The following MAP3K5 variants were observed in gnomAD, a reference collection of about 807,000 sequenced individuals.
The protein encoded by MAP3K5 is mitogen-activated protein kinase kinase kinase 5.
In MAP3K5, 56 loss-of-function variants were observed where a neutral mutation model predicts 158.7. That is an observed-to-expected ratio of 0.35 (90% CI 0.28 to 0.44). The LOEUF (loss-of-function observed/expected upper bound fraction) is 0.44. Ranked by LOEUF, MAP3K5 falls within the 20% of genes least tolerant of loss-of-function variation. MAP3K5 has a pLI of 1.00. For synonymous variants in MAP3K5, 579 were observed against 601.7 expected, an observed-to-expected ratio of 0.96 and a Z score of 0.55; for missense variants, 1,294 against 1,674.8, an observed-to-expected ratio of 0.77 and a Z score of 3.97.
Position 136,674,490 on chromosome 6 carries a change from T to C in MAP3K5, c.1254-5095A>G, listed in dbSNP as rs116875991. Among the ~76,000 whole-genome samples, 200 of 151,698 alleles carry C rather than the reference T, an allele frequency of 1.3e-3. No homozygotes were observed. In the East Asian group the frequency reaches 0.037, roughly 28 times the overall value. ...ACTAAAGTGCTAATGTAGGAGAAAA[T>C]GTAATACTAAGTTAATAAAAATAAA... On this transcript the variant is annotated intron_variant, in intron 7 of 29. Coordinates refer to ENST00000359015, the MANE Select transcript of MAP3K5 (RefSeq NM_005923.4).
At chr6:136,789,982 A>G (rs1440467281) in intron 1 of MAP3K5, among the ~76,000 whole-genome samples, 2 of 152,132 alleles carry the variant, frequency 1.3e-5, no homozygotes, top group East Asian at 1.9e-4. Context: ...GTGAGCCACC[A>G]CGCCTGGCCC....
chr6:136,702,629 TCATGAAATAACAACA>T (rs1780900750), intron 3 of MAP3K5, among the ~76,000 whole-genome samples: 1 of 152,236 alleles, frequency 6.6e-6, no homozygotes, highest in South Asian at 2.1e-4. Flanking sequence ...TGAGGCATGG[TCATGAAATAACAACA>T]CATGCTATAA....
At position 136,617,724 on chromosome 6, in the gene MAP3K5, A is replaced by G. The variant is rs959072212; in HGVS notation, c.2151-3438T>C. The stretch of plus-strand genomic sequence containing the variant: ...CAAGGTGGGCAGATCACTTGAGGTC[A>G]GGAGTTCAAGACCAGCCTGGCCACA... On this transcript the variant is annotated intron_variant, in intron 15 of 29. Coordinates refer to ENST00000359015, the MANE Select transcript of MAP3K5 (RefSeq NM_005923.4). Among the ~76,000 whole-genome samples the G allele has an allele frequency of 5.3e-5, 8 of 152,198 alleles. No individual in the cohort carries two copies. In the East Asian group the frequency reaches 1.3e-3, roughly 26 times the overall value.
chr6:136,776,609 T>C (rs554527872), intron 1 of MAP3K5, among the ~76,000 whole-genome samples: 2 of 152,328 alleles, frequency 1.3e-5, no homozygotes, highest in African/African-American at 4.8e-5. Flanking sequence ...CAGGTGAGGA[T>C]GTTATAAATT....
chr6:136,779,461 AG>A lies in MAP3K5; in HGVS notation c.448+12248del, dbSNP rs1428466000. ...CTGTCTCAAAAAAAAAAAAAAAAAA[AG>A]ATTAAATAAGGTCATACATATAGTG... On this transcript the variant is annotated intron_variant, in intron 1 of 29. Coordinates refer to ENST00000359015, the MANE Select transcript of MAP3K5 (RefSeq NM_005923.4). Among the ~76,000 whole-genome samples the A allele has an allele frequency of 1.1e-4, 17 of 150,502 alleles. No homozygotes were observed. The South Asian group carries it at 2.7e-3, about 24-fold the overall frequency.
chr6:136,584,151 G>T (rs186224875), intron 23 of MAP3K5, among the ~76,000 whole-genome samples: 37 of 152,262 alleles, frequency 2.4e-4, no homozygotes, highest in African/African-American at 7.7e-4. Flanking sequence ...AAAAGACTAA[G>T]GCCATAAGAT....
intron 1 of MAP3K5, among the ~76,000 whole-genome samples, chr6:136,725,442 C>T (rs1781927580): frequency 6.6e-6 from 1 of 152,138 alleles, no homozygotes; most frequent in Non-Finnish European, 1.5e-5. Flanking sequence ...ATTTGTATTT[C>T]CCTAATGACT....
intron 28 of MAP3K5, among the ~76,000 whole-genome samples, chr6:136,559,200 A>C (rs2129067295): frequency 6.6e-6 from 1 of 152,252 alleles, no homozygotes; most frequent in Admixed American, 6.5e-5. Flanking sequence ...AAAATACAAA[A>C]AATTAGCTGG....
chr6:136,566,140 C>A (rs1038429140), intron 26 of MAP3K5, among the ~76,000 whole-genome samples: 7 of 151,980 alleles, frequency 4.6e-5, no homozygotes, highest in Non-Finnish European at 8.8e-5. Context: ...CAGACAGTGG[C>A]GCCAGGGTGG....
chr6:136,580,499 A>G (rs1774822546), intron 24 of MAP3K5, 93 bp from the exon 25 acceptor site: 2 of 690,550 alleles, frequency 2.9e-6, no homozygotes, highest in Non-Finnish European at 5.0e-6. Context: ...TTTACAAAAC[A>G]ACTAAAAAGT....
chr6:136,642,030 A>T (rs906647670), intron 12 of MAP3K5, among the ~76,000 whole-genome samples: 16 of 119,316 alleles, frequency 1.3e-4, no homozygotes, highest in Admixed American at 3.6e-4. Context: ...AAAATAAAAT[A>T]AAAATAAAAT....
At chr6:136,683,005 T>C (rs1460310571) in intron 7 of MAP3K5, among the ~76,000 whole-genome samples, 4 of 152,196 alleles carry the variant, frequency 2.6e-5, no homozygotes, top group Non-Finnish European at 5.9e-5. Context: ...ATTTTGAACA[T>C]GGATAAATAT....
chr6:136,636,663 T>G (rs374675951), intron 14 of MAP3K5, among the ~76,000 whole-genome samples: 3 of 152,062 alleles, frequency 2.0e-5, no homozygotes, highest in African/African-American at 7.2e-5. Context: ...TGTCCAGCAG[T>G]CGGGTGCGGT....
At position 136,637,070 on chromosome 6, in the gene MAP3K5, T is replaced by C. The variant is rs549909943; in HGVS notation, c.2016+255A>G. 69 of 1,303,876 alleles carry C rather than the reference T, an allele frequency of 5.3e-5. No homozygotes were observed. In the African/African-American group the frequency reaches 8.6e-4, roughly 16 times the overall value. The allele number at this position is 1,303,876 out of a possible 1,614,324, so 80.8% of individuals were successfully genotyped here. A position where few individuals can be genotyped will look rare whatever the true frequency, so the allele number is the denominator to read the frequency against. ...GACACCGTGGCCCATGCATTGACAC[T>C]GTCATAGATAAAGCATAGTTACTCG... On this transcript the variant is annotated intron_variant, in intron 14 of 29. Coordinates refer to ENST00000359015, the MANE Select transcript of MAP3K5 (RefSeq NM_005923.4).
At chr6:136,631,104 TAAAAC>T (rs764818539) in intron 14 of MAP3K5, among the ~76,000 whole-genome samples, 5 of 152,120 alleles carry the variant, frequency 3.3e-5, no homozygotes, top group African/African-American at 9.7e-5. Flanking sequence ...GTTTCAAAAA[TAAAAC>T]AAAACAAAAG....
intron 23 of MAP3K5, among the ~76,000 whole-genome samples, chr6:136,587,671 A>T (rs1377049859): frequency 6.6e-6 from 1 of 152,150 alleles, no homozygotes; most frequent in Admixed American, 6.5e-5. Context: ...AGGATTCCCA[A>T]CATCCTTAAC....
chr6:136,671,171 CATGAA>C (rs999559630), intron 7 of MAP3K5, among the ~76,000 whole-genome samples: 30 of 152,052 alleles, frequency 2.0e-4, no homozygotes, highest in African/African-American at 6.5e-4. Context: ...AACCAAAGAA[CATGAA>C]ATGTCTCTTA....
intron 14 of MAP3K5, 104 bp from the exon 15 acceptor site, chr6:136,623,085 G>T: frequency 2.0e-6 from 2 of 1,003,202 alleles, no homozygotes; most frequent in Non-Finnish European, 3.0e-6. Context: ...TTATCAGATG[G>T]CATTAACAGG....
intron 1 of MAP3K5, among the ~76,000 whole-genome samples, chr6:136,725,061 T>C (rs1207145562): frequency 6.6e-6 from 1 of 152,238 alleles, no homozygotes; most frequent in East Asian, 1.9e-4. Flanking sequence ...TTGGCTTCTT[T>C]GACTTAGCAA....
Sources: gnomAD v4.1 joint callset for allele counts (sites outside exome capture counted in the v4.1 genomes callset) on GRCh38, gnomAD v4.1.1 for gene constraint, MANE v1.5 for transcripts, NCBI Gene and HGNC (gene_info 2026-07-23, HGNC 2026-07-21) for gene names.